Variants in MED12 observed in about 807,000 individuals in gnomAD.
The protein encoded by MED12 is mediator of RNA polymerase II transcription subunit 12.
In MED12, 10 loss-of-function variants were observed where a neutral mutation model predicts 177.7. The ratio of observed to expected loss-of-function variants is 0.06; its 90% CI spans 0.03 to 0.10. The LOEUF is 0.10. Among genes scored for constraint, MED12 ranks in the 10% least tolerant of loss-of-function variants. The pLI is 1.00. For missense variants in MED12, 867 were observed against 1,780.8 expected (o/e 0.49, Z 9.23); for synonymous variants, 641 against 678.4 (o/e 0.94, Z 0.86).
At chrX:71,118,885 CG>C (rs1212316189) in intron 1 of MED12, 32 bp downstream of exon 1, 1 of 1,138,080 alleles carries the variant, frequency 8.8e-7, no homozygotes. Context: ...CTGGAGGGGC[CG>C]GGGGCACGCG....
intron 41 of MED12, among the ~76,000 whole-genome samples, chrX:71,138,895 A>T (rs781140749): frequency 4.6e-4 from 52 of 112,331 alleles, no homozygotes; most frequent in South Asian, 1.1e-3. Flanking sequence ...GAATCCTCCC[A>T]CCATGGTTAA....
intron 4 of MED12, among the ~76,000 whole-genome samples, 185 bp downstream of exon 4, chrX:71,120,355 C>T (rs755034826): frequency 5.5e-5 from 6 of 109,538 alleles, no homozygotes; most frequent in South Asian, 3.9e-4. Context: ...CAAAGATGTC[C>T]GGTGCATAAT....
chrX:71,120,830 G>C lies in MED12; in HGVS notation c.554-141G>C, dbSNP rs1015366471. ...TCACCATCTTGGCCAGGCTGGTCTC[G>C]AACTCCTGACCTCGTGATCCACCTG... On this transcript the variant is annotated intron_variant, in intron 4 of 44. Transcript: ENST00000374080. 12 of 699,216 alleles carry C rather than the reference G, an allele frequency of 1.7e-5. No homozygotes were observed. In the Admixed American group the frequency reaches 3.4e-4, roughly 20 times the overall value. 57.6% of individuals were successfully genotyped at this position (699,216 alleles called of 1,213,427 possible).
rs1569481984 is a variant in MED12 at position 71,132,778 on chromosome X, CTCTT to C, written c.4416-66_4416-63del. The C allele has an allele frequency of 9.0e-5, 25 of 278,496 alleles. No individual in the cohort carries two copies. The African/African-American group carries it at 9.9e-4, about 11-fold the overall frequency. 23.0% of individuals were successfully genotyped at this position (278,496 alleles called of 1,213,427 possible). On this transcript the variant is annotated intron_variant, in intron 31 of 44. Coordinates refer to ENST00000374080, the MANE Select transcript of MED12 (RefSeq NM_005120.3). Reference sequence around the variant, plus strand: ...CTCTCCTCTTCTCTCCTCTTCTCTTCTCTTCTCTTCTCTTCTCTTCTCTTCTCTT... The same window carrying C: ...CTCTCCTCTTCTCTCCTCTTCTCTTCCTCTTCTCTTCTCTTCTCTTCTCTT...
In MED12 at chrX:71,122,513, T is replaced by G. The variant is rs1355685737; in HGVS notation, c.1254T>G (p.Arg418=). ...CTTCCTTTTTAACATTGCAGGTCCG[T>G]GCAAAGTTGCGGGAGATCGAGCAGC... is the stretch of plus-strand genomic sequence containing the variant. ...EGNSAFTQQV[R]AKLREIEQQI... Residue 418 remains arginine (R), a synonymous_variant, in exon 9 of 45, where the codon CGT becomes CGG. Transcript: ENST00000374080. 2 of 1,211,310 alleles carry G rather than the reference T, an allele frequency of 1.7e-6. No homozygotes were observed. The highest frequency in any genetic ancestry group is 3.5e-5 in the South Asian group (2 of 57,002).
chrX:71,127,278 T>G (rs2092305576), intron 20 of MED12, 58 bp from the exon 21 acceptor site: 7 of 1,195,248 alleles, frequency 5.9e-6, no homozygotes, highest in African/African-American at 1.8e-5. Flanking sequence ...GGCTTGAATC[T>G]GTTTGGAGGA....
At chrX:71,127,657 A>G (rs1185401213) in intron 21 of MED12, 190 bp downstream of exon 21, 1 of 481,774 alleles carries the variant, frequency 2.1e-6, no homozygotes, top group Non-Finnish European at 3.6e-6. Context: ...CTCCCCGCCT[A>G]TATCTGTGGG....
Position 71,124,864 on chromosome X carries a change from T to C in MED12, c.2055+20T>C, listed in dbSNP as rs746790418. On this transcript the variant is annotated intron_variant, in intron 14 of 44. Coordinates refer to ENST00000374080, the MANE Select transcript of MED12 (RefSeq NM_005120.3). The stretch of plus-strand genomic sequence containing the variant: ...TTCTCAGTAAGTTCAATCCTGAGCG[T>C]GGCAGAATCTGGATCCTTGGATCTT... The C allele has an allele frequency of 2.5e-6, 3 of 1,189,862 alleles. No individual in the cohort carries two copies. The highest frequency in any genetic ancestry group is 2.3e-4 in the Middle Eastern group (1 of 4,291).
chrX:71,141,411 C>T, intron 43 of MED12, 41 bp downstream of exon 43: 1 of 1,166,190 alleles, frequency 8.6e-7, no homozygotes, highest in Non-Finnish European at 1.1e-6. Flanking sequence ...GGACAGCTGC[C>T]CAGGTTGGGC....
intron 35 of MED12, 85 bp downstream of exon 35, chrX:71,134,933 T>G: frequency 8.5e-7 from 1 of 1,176,588 alleles, no homozygotes; most frequent in South Asian, 1.8e-5. Flanking sequence ...TGGAGCCCTC[T>G]ACCTTTCCTT....
chrX:71,122,325 T>C lies in MED12; in HGVS notation c.1227T>C (p.Gly409=). The change falls in exon 8 of 45, where the codon GGT becomes GGC. Residue 409 remains glycine, a synonymous_variant. Coordinates refer to ENST00000374080, the MANE Select transcript of MED12 (RefSeq NM_005120.3). ...IAPSNLPMPE[G]NSAFTQQVRA... ...CGTCCAACCTGCCCATGCCAGAGGG[T>C]AACAGTGCCTTCACTCAGCAGGTAT... 8.3e-7 allele frequency: 1 copy of C among 1,211,717 alleles called. No individual in the cohort carries two copies. Among genetic ancestry groups the C allele is most frequent in the Non-Finnish European group, 1.1e-6 (1 of 895,432 alleles).
Position 71,127,325 on chromosome X carries a change from T to G in MED12, c.2850-11T>G, listed in dbSNP as rs2092305783. 1 of 1,211,246 alleles carries G rather than the reference T, an allele frequency of 8.3e-7. No individual in the cohort carries two copies. Among genetic ancestry groups the G allele is most frequent in the Non-Finnish European group, 1.1e-6 (1 of 895,273 alleles). ...ATCTGCTGACCCTCCCAACCTTGCTTCTTCATGCAGGCTGTGTGGCGTCGT... is the reference window on the plus strand; with the variant it reads ...ATCTGCTGACCCTCCCAACCTTGCTGCTTCATGCAGGCTGTGTGGCGTCGT... On this transcript the variant is annotated splice_polypyrimidine_tract_variant and intron_variant, in intron 20 of 44. Transcript: ENST00000374080.
chrX:71,130,238 TGGAGGA>T (rs1166246919), intron 28 of MED12, 24 bp downstream of exon 28: 1 of 1,191,826 alleles, frequency 8.4e-7, no homozygotes, highest in East Asian at 3.0e-5. Context: ...GTGGGGGCTG[TGGAGGA>T]AGCAGTGGGC....
Position 71,124,956 on chromosome X carries a change from C to T in MED12, c.2056-20C>T, listed in dbSNP as rs1057521831. On this transcript the variant is annotated intron_variant, in intron 14 of 44. Coordinates refer to ENST00000374080, the MANE Select transcript of MED12 (RefSeq NM_005120.3). ...CCACTTTCCTTCTTCTCATGTTCTG[C>T]TTTCTCACCTTTCTCTCAGTTGTTC... is the stretch of plus-strand genomic sequence containing the variant. 1 of 1,209,042 alleles carries T rather than the reference C, an allele frequency of 8.3e-7. No individual in the cohort carries two copies. Among genetic ancestry groups the T allele is most frequent in the Non-Finnish European group, 1.1e-6 (1 of 893,758 alleles).
Position 71,122,826 on chromosome X carries a change from C to T in MED12, c.1437C>T (p.Ser479=), listed in dbSNP as rs1245141434. 2.5e-6 allele frequency: 3 copies of T among 1,209,327 alleles called. No individual in the cohort carries two copies. The highest frequency in any genetic ancestry group is 3.4e-6 in the Non-Finnish European group (3 of 894,804). The stretch of plus-strand genomic sequence containing the variant: ...CTGACTTCAGCAACTCTCTTGACTC[C>T]CTTTGTAACCGAATCTTTGGATTGG... The part of the protein sequence containing the change: ...ERSDFSNSLD[S]LCNRIFGLGP... The change falls in exon 10 of 45, where the codon TCC becomes TCT. Residue 479 remains serine, a synonymous_variant. Transcript: ENST00000374080.
intron 4 of MED12, among the ~76,000 whole-genome samples, chrX:71,120,688 G>T (rs2092287117): frequency 9.1e-6 from 1 of 109,478 alleles, no homozygotes; most frequent in Non-Finnish European, 1.9e-5. Flanking sequence ...TTGGCTTACT[G>T]CAACCTCCAC....
chrX:71,122,616 C>T lies in MED12; in HGVS notation c.1348+9C>T. 4 of 1,202,692 alleles carry T rather than the reference C, an allele frequency of 3.3e-6. No individual in the cohort carries two copies. Among genetic ancestry groups the T allele is most frequent in the Non-Finnish European group, 3.4e-6 (3 of 887,458 alleles). On this transcript the variant is annotated intron_variant, in intron 9 of 44. Transcript: ENST00000374080. Reference sequence around the variant, plus strand: ...CCAGGAAGCTACTGCAGGTATGTGTCAGAGAACAGATAATAGGAAATATGT... The same window carrying T: ...CCAGGAAGCTACTGCAGGTATGTGTTAGAGAACAGATAATAGGAAATATGT...
intron 30 of MED12, 65 bp from the exon 31 acceptor site, chrX:71,132,312 G>C (rs746120088): frequency 1.3e-5 from 16 of 1,188,292 alleles, no homozygotes; most frequent in Admixed American, 2.2e-5. Flanking sequence ...AGGGAAAGGA[G>C]AGGATAGATT....
Position 71,136,389 on chromosome X carries a change from C to A in MED12, c.5134C>A (p.Arg1712=). 8.3e-7 allele frequency: 1 copy of A among 1,211,145 alleles called. No homozygotes were observed. The highest frequency in any genetic ancestry group is 1.1e-6 in the Non-Finnish European group (1 of 895,370). Residue 1712 remains arginine (R), a synonymous_variant, in exon 37 of 45, where the codon CGG becomes AGG. Coordinates refer to ENST00000374080, the MANE Select transcript of MED12 (RefSeq NM_005120.3). ...WGWFGTVRVD[R]RVARGEEQQR... ...CTGGTTTGGAACAGTCCGAGTGGAC[C>A]GGCGAGTGGCTCGAGGAGAGGAGCA...
Sources: allele counts gnomAD v4.1 joint callset (sites outside exome capture counted in the v4.1 genomes callset), GRCh38; gene constraint gnomAD v4.1.1; transcripts MANE v1.5; gene names NCBI Gene and HGNC (gene_info 2026-07-23, HGNC 2026-07-21).